The following AK3 variants were observed in gnomAD, a reference collection of about 807,000 sequenced individuals.
The protein encoded by AK3 is GTP:AMP phosphotransferase AK3, mitochondrial.
A neutral mutation model predicts 23.7 loss-of-function variants in AK3; 27 were observed. The ratio of observed to expected loss-of-function variants is 1.14; its 90% CI spans 0.84 to 1.57. The LOEUF (loss-of-function observed/expected upper bound fraction) is 1.57. Among genes scored for constraint, AK3 ranks in the 40% most tolerant of loss-of-function variants. The pLI, the probability that AK3 is intolerant of heterozygous loss-of-function variation, is 0.00. For missense variants in AK3, 406 were observed against 285.6 expected (o/e 1.42, Z -3.04); for synonymous variants, 159 against 116.0 (o/e 1.37, Z -2.38).
chr9:4,732,265 C>T (rs1302231718), intron 1 of AK3, among the ~76,000 whole-genome samples: 2 of 152,122 alleles, frequency 1.3e-5, no homozygotes, highest in African/African-American at 4.8e-5. Context: ...TTCTTAATAA[C>T]ATTTTTTTCT....
chr9:4,735,360 T>TATAAATATAC lies in AK3; in HGVS notation c.151+5576_151+5577insGTATATTTAT, dbSNP rs1842256252. Among the ~76,000 whole-genome samples, 3 of 40,084 alleles carry TATAAATATAC rather than the reference T, an allele frequency of 7.5e-5. 1 individual carries two copies. Among genetic ancestry groups the TATAAATATAC allele is most frequent in the African/African-American group, 2.7e-4 (3 of 11,224 alleles). 26.3% of individuals were successfully genotyped at this position (40,084 alleles called of 152,430 possible). A position where few individuals can be genotyped will look rare whatever the true frequency, so the allele number is the denominator to read the frequency against. On this transcript the variant is annotated intron_variant, in intron 1 of 4. Transcript: ENST00000381809. The stretch of plus-strand genomic sequence containing the variant: ...ATATATATACATATATAAATATATA[T>TATAAATATAC]ATACATATATAAATATATATACATA...
At chr9:4,736,309 T>C (rs896950115) in intron 1 of AK3, among the ~76,000 whole-genome samples, 1 of 152,022 alleles carries the variant, frequency 6.6e-6, no homozygotes, top group African/African-American at 2.4e-5. Context: ...TAAAACAGTA[T>C]ATACAGCATG....
At chr9:4,737,570 C>T (rs960341670) in intron 1 of AK3, among the ~76,000 whole-genome samples, 1 of 152,114 alleles carries the variant, frequency 6.6e-6, no homozygotes, top group Admixed American at 6.5e-5. Flanking sequence ...ATAAATTAGC[C>T]AGCCACGGTG....
intron 1 of AK3, among the ~76,000 whole-genome samples, chr9:4,725,522 A>C (rs1032018982): frequency 6.6e-6 from 1 of 151,760 alleles, no homozygotes; most frequent in East Asian, 2.0e-4. Context: ...TAATCCCAGC[A>C]CTTTGGGAGG....
Position 4,740,935 on chromosome 9 carries a change from A to C in AK3, c.151+2T>G. 1 of 1,560,002 alleles carries C rather than the reference A, an allele frequency of 6.4e-7. No individual in the cohort carries two copies. Among genetic ancestry groups the C allele is most frequent in the Middle Eastern group, 2.0e-4 (1 of 5,004 alleles). On this transcript the variant is annotated splice_donor_variant, in intron 1 of 4. Coordinates refer to ENST00000381809, the MANE Select transcript of AK3 (RefSeq NM_016282.4). LOFTEE classifies it high-confidence loss of function. ...GGCCGGCCCTGGGCCCAGAGCTCCC[A>C]CCTGTGCCCCGCAGCATGTTGTCCC...
chr9:4,737,928 T>C (rs1842335359), intron 1 of AK3, among the ~76,000 whole-genome samples: 1 of 152,190 alleles, frequency 6.6e-6, no homozygotes, highest in African/African-American at 2.4e-5. Flanking sequence ...TTATAAAATA[T>C]AGCACCCTCA....
At chr9:4,714,297 G>C (rs611315) in intron 4 of AK3, among the ~76,000 whole-genome samples, 13,854 of 140,528 alleles carry the variant, frequency 0.099, 1,097 homozygotes, top group African/African-American at 0.17. Flanking sequence ...TTTGTGAAAA[G>C]AGGATTCCTT....
intron 4 of AK3, among the ~76,000 whole-genome samples, chr9:4,714,733 T>A (rs1841674333): frequency 6.6e-6 from 1 of 152,212 alleles, no homozygotes; most frequent in African/African-American, 2.4e-5. Context: ...AGTAAGGGCA[T>A]CATGTTGTTT....
At chr9:4,719,415 A>C (rs1319230172) in intron 2 of AK3, 108 bp from the exon 3 acceptor site, 1 of 1,008,478 alleles carries the variant, frequency 9.9e-7, no homozygotes, top group African/African-American at 1.6e-5. Context: ...AATGTTGGAC[A>C]ATCTGAACAA....
intron 3 of AK3, 116 bp downstream of exon 3, chr9:4,719,019 A>G: frequency 8.4e-7 from 1 of 1,184,882 alleles, no homozygotes; most frequent in Non-Finnish European, 1.2e-6. Context: ...GTAACCTGAG[A>G]ATATACCCTC....
At chr9:4,719,066 C>G (rs1467957470) in intron 3 of AK3, 69 bp downstream of exon 3, 5 of 1,565,678 alleles carry the variant, frequency 3.2e-6, no homozygotes, top group Non-Finnish European at 4.4e-6. Context: ...GTTCACTCAA[C>G]TTATGTCTGT....
intron 4 of AK3, among the ~76,000 whole-genome samples, chr9:4,713,322 G>A (rs1422143496): frequency 6.6e-6 from 1 of 152,118 alleles, no homozygotes; most frequent in Non-Finnish European, 1.5e-5. Context: ...AAAAATAACA[G>A]CACCTATCAT....
rs1433977412 is a variant in AK3 at position 4,714,171 on chromosome 9, C to CAT, written c.564-1076_564-1075insAT. On this transcript the variant is annotated intron_variant, in intron 4 of 4. Coordinates refer to ENST00000381809, the MANE Select transcript of AK3 (RefSeq NM_016282.4). Reference sequence around the variant, plus strand: ...ACACCTCCACATACACACACCTCCACACATACGCCTCCACATACACACACC... The same window carrying CAT: ...ACACCTCCACATACACACACCTCCACATACATACGCCTCCACATACACACACC... Among the ~76,000 whole-genome samples the CAT allele has an allele frequency of 2.3e-3, 115 of 50,138 alleles. 25 individuals carry two copies. Among genetic ancestry groups the CAT allele is most frequent in the African/African-American group, 4.7e-3 (70 of 15,020 alleles). 32.9% of individuals were successfully genotyped at this position (50,138 alleles called of 152,430 possible).
chr9:4,741,440 G>C (rs1456655661), upstream of AK3: 3 of 218,138 alleles, frequency 1.4e-5, no homozygotes, highest in Non-Finnish European at 1.8e-5. Context: ...GCTGGGCCCG[G>C]ATCCCTTCGG....
intron 1 of AK3, 54 bp from the exon 2 acceptor site, chr9:4,722,679 A>G: frequency 6.2e-7 from 1 of 1,611,008 alleles, no homozygotes; most frequent in Non-Finnish European, 8.5e-7. Context: ...ATCCCATTCC[A>G]GGCACCTCGG....
intron 4 of AK3, among the ~76,000 whole-genome samples, chr9:4,716,992 C>T (rs556501158): frequency 8.5e-4 from 130 of 152,264 alleles, no homozygotes; most frequent in South Asian, 4.4e-3. Context: ...TGCATACATA[C>T]GCTATTACAA....
At chr9:4,734,600 T>A (rs1267332673) in intron 1 of AK3, among the ~76,000 whole-genome samples, 1 of 152,246 alleles carries the variant, frequency 6.6e-6, no homozygotes, top group East Asian at 1.9e-4. Context: ...AAGGCCTAAC[T>A]TATTTTGTTA....
At chr9:4,722,071 G>C (rs145889642) in intron 2 of AK3, among the ~76,000 whole-genome samples, 6 of 152,320 alleles carry the variant, frequency 3.9e-5, no homozygotes, top group Admixed American at 2.6e-4. Flanking sequence ...GTTTATCCCA[G>C]TTTTAGTGAG....
chr9:4,718,367 C>A (rs1462855850), intron 4 of AK3, 52 bp downstream of exon 4: 3 of 1,372,256 alleles, frequency 2.2e-6, no homozygotes, highest in African/African-American at 2.9e-5. Context: ...AAAATCAAAA[C>A]TAGACTTAGT....
Sources: gnomAD v4.1 joint callset for allele counts (sites outside exome capture counted in the v4.1 genomes callset) on GRCh38, gnomAD v4.1.1 for gene constraint, MANE v1.5 for transcripts, NCBI Gene and HGNC (gene_info 2026-07-23, HGNC 2026-07-21) for gene names.